USP4: variants seen among roughly 807,000 people sequenced by gnomAD.
USP4 encodes ubiquitin specific peptidase 4, also known as ubiquitin carboxyl-terminal hydrolase 4.
In USP4, 72 loss-of-function variants were observed where a neutral mutation model predicts 118.2. The ratio of observed to expected loss-of-function variants is 0.61; its 90% CI spans 0.50 to 0.74. USP4 has a LOEUF of 0.74. Among genes scored for constraint, USP4 ranks in the 30% least tolerant of loss-of-function variants. The pLI is 0.00. For synonymous variants in USP4, 415 were observed against 440.4 expected (o/e 0.94, Z 0.72); for missense variants, 1,037 against 1,185.7 (o/e 0.87, Z 1.84).
At chr3:49,321,792 G>A (rs1243606740) in intron 6 of USP4, among the ~76,000 whole-genome samples, 3 of 151,682 alleles carry the variant, frequency 2.0e-5, no homozygotes, top group Non-Finnish European at 4.4e-5. Context: ...CTAGAAGTTC[G>A]AGACCAGCCT....
Position 49,305,889 on chromosome 3 carries a change from C to T in USP4, c.955-1G>A, listed in dbSNP as rs530578255. The T allele has an allele frequency of 2.7e-5, 44 of 1,611,930 alleles. No individual in the cohort carries two copies. Among genetic ancestry groups the T allele is most frequent in the Non-Finnish European group, 3.5e-5 (41 of 1,179,016 alleles). On this transcript the variant is annotated splice_acceptor_variant, in intron 8 of 21. Coordinates refer to ENST00000265560, the MANE Select transcript of USP4 (RefSeq NM_003363.4). LOFTEE classifies it high-confidence loss of function. Reference sequence around the variant, plus strand: ...TCAGTGGTGCAGTGTTGCTCAAACACTGAAACAGAACATGATGAGGGCTTT... The same window carrying T: ...TCAGTGGTGCAGTGTTGCTCAAACATTGAAACAGAACATGATGAGGGCTTT...
intron 6 of USP4, among the ~76,000 whole-genome samples, chr3:49,321,116 G>A (rs568246937): frequency 2.6e-5 from 4 of 152,254 alleles, no homozygotes; most frequent in African/African-American, 7.2e-5. Context: ...GACTGCCTAC[G>A]TCAGAAATTC....
chr3:49,331,642 A>C (rs1211919034), intron 2 of USP4, among the ~76,000 whole-genome samples: 1 of 152,150 alleles, frequency 6.6e-6, no homozygotes, highest in African/African-American at 2.4e-5. Flanking sequence ...ATAAAAACAA[A>C]AATATTCGGT....
chr3:49,305,709 A>G lies in USP4; in HGVS notation c.1128+6T>C. 6.3e-7 allele frequency: 1 copy of G among 1,598,080 alleles called. No individual in the cohort carries two copies. Among genetic ancestry groups the G allele is most frequent in the Non-Finnish European group, 8.5e-7 (1 of 1,172,524 alleles). ...ACCCAACCCATATATATATATGTCT[A>G]CCTACTTTGAACATGCGAGGTGCCA... On this transcript the variant is annotated splice_donor_region_variant and intron_variant, in intron 9 of 21. Transcript: ENST00000265560.
chr3:49,280,934 C>T (rs2047016990), intron 19 of USP4, 87 bp from the exon 20 acceptor site: 2 of 1,015,604 alleles, frequency 2.0e-6, no homozygotes, highest in Non-Finnish European at 3.0e-6. Flanking sequence ...TGTTATGCAA[C>T]AGGGCAGAAC....
intron 2 of USP4, among the ~76,000 whole-genome samples, chr3:49,328,728 T>G (rs950306280): frequency 2.0e-5 from 3 of 150,544 alleles, no homozygotes; most frequent in Non-Finnish European, 4.4e-5. Context: ...GGCATGGTGA[T>G]GCATGCCTGT....
chr3:49,335,800 A>AT (rs1427236866), intron 1 of USP4, among the ~76,000 whole-genome samples: 1 of 152,214 alleles, frequency 6.6e-6, no homozygotes, highest in Non-Finnish European at 1.5e-5. Flanking sequence ...AAGTGAAATG[A>AT]TTGTTCAAAG....
chr3:49,339,402 A>G (rs2047710595), intron 1 of USP4, among the ~76,000 whole-genome samples: 1 of 152,194 alleles, frequency 6.6e-6, no homozygotes, highest in Non-Finnish European at 1.5e-5. Context: ...TGCTGCCGCA[A>G]ATATTTTTGA....
rs746081785 is a variant in USP4 at position 49,277,241 on chromosome 3, C to T, written c.*1052G>A. On this transcript the variant is annotated 3_prime_UTR_variant, in exon 22 of 22. Transcript: ENST00000265560. Reference sequence around the variant, plus strand: ...GGTCATCGCATGCGCGTGCCCCGCGCAGGCCCCAAACCCCCACGGATTAGG... The same window carrying T: ...GGTCATCGCATGCGCGTGCCCCGCGTAGGCCCCAAACCCCCACGGATTAGG... 3 of 1,311,208 alleles carry T rather than the reference C, an allele frequency of 2.3e-6. No individual in the cohort carries two copies. Among genetic ancestry groups the T allele is most frequent in the Non-Finnish European group, 2.0e-6 (2 of 1,003,352 alleles). 81.2% of individuals were successfully genotyped at this position (1,311,208 alleles called of 1,614,324 possible). A position where few individuals can be genotyped will look rare whatever the true frequency, so the allele number is the denominator to read the frequency against.
intron 10 of USP4, among the ~76,000 whole-genome samples, chr3:49,301,876 A>T (rs2047266362): frequency 6.6e-6 from 1 of 152,086 alleles, no homozygotes; most frequent in South Asian, 2.1e-4. Context: ...AAAAGGTATA[A>T]ATGTCCTAAT....
intron 18 of USP4, 35 bp from the exon 19 acceptor site, chr3:49,284,171 C>T (rs372991071): frequency 1.4e-5 from 22 of 1,613,226 alleles, no homozygotes; most frequent in Middle Eastern, 1.6e-4. Flanking sequence ...CAGGGCAAGC[C>T]GGCAGCCAGT....
At chr3:49,318,441 G>A (rs2047463764) in intron 6 of USP4, 20 of 985,456 alleles carry the variant, frequency 2.0e-5, no homozygotes, top group Non-Finnish European at 2.4e-5. Flanking sequence ...TAGACCTCAG[G>A]CAAGTGACGT....
At position 49,324,777 on chromosome 3, in the gene USP4, G is replaced by A. The variant is rs1435232540; in HGVS notation, c.634-14C>T. On this transcript the variant is annotated splice_polypyrimidine_tract_variant and intron_variant, in intron 5 of 21. Transcript: ENST00000265560. ...AATTACTAGCACCTGAGTGAAAGGG[G>A]AAACCAAATGAGGAGAGTTCAAACC... The A allele has an allele frequency of 4.3e-6, 7 of 1,613,990 alleles. No individual in the cohort carries two copies. The highest frequency in any genetic ancestry group is 1.3e-5 in the African/African-American group (1 of 74,912).
intron 16 of USP4, among the ~76,000 whole-genome samples, chr3:49,285,672 C>T (rs1358561472): frequency 6.6e-6 from 1 of 152,158 alleles, no homozygotes; most frequent in Non-Finnish European, 1.5e-5. Context: ...TAGAGCAGTC[C>T]CCATTACAAC....
chr3:49,317,004 T>C (rs902870086), intron 6 of USP4: 5 of 752,030 alleles, frequency 6.6e-6, no homozygotes, highest in Non-Finnish European at 1.1e-5. Context: ...GCTGCTGCCA[T>C]GAAGAAGACG....
intron 6 of USP4, among the ~76,000 whole-genome samples, chr3:49,322,148 C>G (rs1171006627): frequency 6.6e-6 from 1 of 152,230 alleles, no homozygotes; most frequent in Non-Finnish European, 1.5e-5. Flanking sequence ...CTTCCCAACA[C>G]TAACCAGTTC....
intron 14 of USP4, chr3:49,293,707 A>G (rs1363360140): frequency 1.3e-5 from 2 of 152,006 alleles, no homozygotes; most frequent in South Asian, 2.1e-4. Flanking sequence ...AAATTAGCCA[A>G]TGAAGACTCT....
intron 13 of USP4, among the ~76,000 whole-genome samples, chr3:49,295,145 C>A (rs988155102): frequency 5.9e-5 from 9 of 151,864 alleles, no homozygotes; most frequent in African/African-American, 2.2e-4. Context: ...AACAATTAGA[C>A]GGGCATGGTG....
intron 20 of USP4, 99 bp downstream of exon 20, chr3:49,280,644 TG>T (rs1215803948): frequency 5.8e-5 from 50 of 865,190 alleles, no homozygotes; most frequent in Non-Finnish European, 9.1e-5. Flanking sequence ...CCTGTGAAAC[TG>T]CATAAGCAAA....
Sources: gnomAD v4.1 joint callset for allele counts (sites outside exome capture counted in the v4.1 genomes callset) on GRCh38, gnomAD v4.1.1 for gene constraint, MANE v1.5 for transcripts, NCBI Gene and HGNC (gene_info 2026-07-23, HGNC 2026-07-21) for gene names.